The following ART1 variants were observed in gnomAD, a reference collection of about 807,000 sequenced individuals.
The protein encoded by ART1 is ADP-ribosyltransferase 1, also known as GPI-linked NAD(P)(+)--arginine ADP-ribosyltransferase 1.
In ART1, 29 loss-of-function variants were observed where a neutral mutation model predicts 27.0. The ratio of observed to expected loss-of-function variants is 1.08; its 90% CI spans 0.80 to 1.47. The LOEUF is 1.47. Among genes scored for constraint, ART1 ranks in the 40% most tolerant of loss-of-function variants. The pLI, the probability that ART1 is intolerant of heterozygous loss-of-function variation, is 0.00. For missense variants in ART1, 480 were observed against 423.0 expected (o/e 1.13, Z -1.18); for synonymous variants, 201 against 172.2 (o/e 1.17, Z -1.31).
Position 3,659,162 on chromosome 11 carries a change from A to G in ART1, c.-52A>G. 1.3e-6 allele frequency: 2 copies of G among 1,571,028 alleles called. No individual in the cohort carries two copies. The highest frequency in any genetic ancestry group is 1.8e-6 in the Non-Finnish European group (2 of 1,141,870). On this transcript the variant is annotated splice_region_variant and 5_prime_UTR_variant, in exon 2 of 5. It removes an upstream start codon present in the reference 5' UTR. Coordinates refer to ENST00000250693, the MANE Select transcript of ART1 (RefSeq NM_004314.3). ...ACAGATTAACACTGCAATTTTCCAGATGAGGAAACTGAGACCCAAAAAGAG... is the reference window on the plus strand; with the variant it reads ...ACAGATTAACACTGCAATTTTCCAGGTGAGGAAACTGAGACCCAAAAAGAG...
chr11:3,654,740 G>T (rs2077555558), intron 1 of ART1, among the ~76,000 whole-genome samples: 5 of 122,456 alleles, frequency 4.1e-5, no homozygotes, highest in Non-Finnish European at 6.7e-5. Context: ...TCCTACCTCT[G>T]TCTATCCTCA....
chr11:3,650,058 C>T (rs1466292418), intron 1 of ART1, among the ~76,000 whole-genome samples: 1 of 152,194 alleles, frequency 6.6e-6, no homozygotes, highest in Non-Finnish European at 1.5e-5. Context: ...AGAATAGAGG[C>T]AGCCAAGTAG....
chr11:3,664,150 C>G lies in ART1; in HGVS notation c.945C>G (p.Leu315=). 1.2e-6 allele frequency: 2 copies of G among 1,614,036 alleles called. No homozygotes were observed. Among genetic ancestry groups the G allele is most frequent in the Non-Finnish European group, 1.7e-6 (2 of 1,180,022 alleles). Residue 315 remains leucine, a synonymous_variant, in exon 5 of 5, where the codon CTC becomes CTG. Transcript: ENST00000250693. ...VWSLLLLLWF[L]VVRAFPDGPG... Reference sequence around the variant, plus strand: ...CTTTGCTGCTGCTGCTCTGGTTCCTCGTGGTGAGGGCCTTTCCAGATGGTC... The same window carrying G: ...CTTTGCTGCTGCTGCTCTGGTTCCTGGTGGTGAGGGCCTTTCCAGATGGTC...
At chr11:3,662,111 G>A (rs2077626075) in intron 4 of ART1, among the ~76,000 whole-genome samples, 1 of 152,210 alleles carries the variant, frequency 6.6e-6, no homozygotes, top group Admixed American at 6.5e-5. Flanking sequence ...TGCCCTCAGG[G>A]CTCCCTCAAA....
intron 1 of ART1, among the ~76,000 whole-genome samples, chr11:3,656,148 G>A (rs1010271120): frequency 6.6e-6 from 1 of 151,820 alleles, no homozygotes; most frequent in African/African-American, 2.4e-5. Flanking sequence ...TGGCCAGTCT[G>A]GTTTCAAACT....
At position 3,661,508 on chromosome 11, in the gene ART1, T is replaced by TG; in HGVS notation, c.886+95_886+96insG. Reference sequence around the variant, plus strand: ...CCTCGATCTTTTTTTTTTTTTTTTTTTTTGAGACAGAGTTTCACTCTTGTT... The same window carrying TG: ...CCTCGATCTTTTTTTTTTTTTTTTTTGTTTGAGACAGAGTTTCACTCTTGTT... On this transcript the variant is annotated intron_variant, in intron 4 of 4. Transcript: ENST00000250693. 2.7e-6 allele frequency: 3 copies of TG among 1,101,134 alleles called. No homozygotes were observed. In the South Asian group the frequency reaches 4.8e-5, roughly 18 times the overall value. The allele number at this position is 1,101,134 out of a possible 1,614,324, so 68.2% of individuals were successfully genotyped here. A position where few individuals can be genotyped will look rare whatever the true frequency, so the allele number is the denominator to read the frequency against.
Position 3,659,936 on chromosome 11 carries a change from C to T in ART1, c.417C>T (p.Gly139=), listed in dbSNP as rs1216490591. ...KEFNAAVREA[G]RSRAHYLHHF... ...TCAATGCAGCCGTGCGTGAGGCGGG[C>T]CGCTCCCGGGCCCACTACCTCCACC... Residue 139 remains glycine (G), a synonymous_variant, in exon 3 of 5, where the codon GGC becomes GGT. Transcript: ENST00000250693. 1.2e-6 allele frequency: 2 copies of T among 1,613,378 alleles called. No individual in the cohort carries two copies. Among genetic ancestry groups the T allele is most frequent in the Non-Finnish European group, 1.7e-6 (2 of 1,179,732 alleles).
intron 1 of ART1, among the ~76,000 whole-genome samples, chr11:3,649,162 G>C (rs542287301): frequency 1.3e-5 from 2 of 151,654 alleles, no homozygotes; most frequent in East Asian, 1.9e-4. Context: ...CCTTCACTAC[G>C]GGCAACCTTC....
At chr11:3,647,834 GAAAA>G (rs199872848) in intron 1 of ART1, among the ~76,000 whole-genome samples, 1 of 142,366 alleles carries the variant, frequency 7.0e-6, no homozygotes, top group Non-Finnish European at 1.5e-5. Context: ...CAATGAGGCT[GAAAA>G]AAAAAAAAGT....
In ART1 at chr11:3,659,853, G is replaced by A. The variant is rs747245204; in HGVS notation, c.334G>A (p.Asp112Asn). The A allele has an allele frequency of 5.0e-6, 8 of 1,612,528 alleles. No individual in the cohort carries two copies. The highest frequency in any genetic ancestry group is 2.2e-5 in the East Asian group (1 of 44,858). The change falls in exon 3 of 5, where the codon GAT becomes AAT. Residue 112 changes from aspartate to asparagine, a missense_variant. Transcript: ENST00000250693. ...RPSPPPLGFR[D>N]EHGVALLAYT... ...ATCCCCGCCACCCCTGGGCTTCCGCGATGAGCATGGGGTGGCCCTCCTGGC... is the reference window on the plus strand; with the variant it reads ...ATCCCCGCCACCCCTGGGCTTCCGCAATGAGCATGGGGTGGCCCTCCTGGC...
intron 1 of ART1, among the ~76,000 whole-genome samples, chr11:3,655,079 A>T (rs1018275966): frequency 2.6e-5 from 4 of 152,106 alleles, no homozygotes; most frequent in African/African-American, 7.2e-5. Context: ...GCTTATCTAA[A>T]CTGGACTTGG....
At chr11:3,650,626 C>G (rs2077513573) in intron 1 of ART1, among the ~76,000 whole-genome samples, 1 of 152,188 alleles carries the variant, frequency 6.6e-6, no homozygotes, top group Non-Finnish European at 1.5e-5. Context: ...CTCCCCAACT[C>G]TAGTGCCAAC....
chr11:3,649,936 A>G lies in ART1; in HGVS notation c.-53+4757A>G, dbSNP rs922105741. On this transcript the variant is annotated intron_variant, in intron 1 of 4. Coordinates refer to ENST00000250693, the MANE Select transcript of ART1 (RefSeq NM_004314.3). ...AAAGGCCACTTTATTCTCAATATAC[A>G]TTTTATTACCCAATCTGCTCCTGAC... Among the ~76,000 whole-genome samples the G allele has an allele frequency of 2.6e-5, 4 of 152,170 alleles. No individual in the cohort carries two copies. In the East Asian group the frequency reaches 5.8e-4, roughly 22 times the overall value.
At chr11:3,657,283 A>G (rs892294301) in intron 1 of ART1, among the ~76,000 whole-genome samples, 2 of 152,160 alleles carry the variant, frequency 1.3e-5, no homozygotes, top group Non-Finnish European at 2.9e-5. Context: ...GTGTACAGAA[A>G]GAAAACAGAG....
At chr11:3,660,690 G>A (rs2077613880) in intron 3 of ART1, among the ~76,000 whole-genome samples, 1 of 152,202 alleles carries the variant, frequency 6.6e-6, no homozygotes, top group South Asian at 2.1e-4. Context: ...GGCTGGAAGG[G>A]AATTATTTTC....
intron 1 of ART1, among the ~76,000 whole-genome samples, chr11:3,650,422 G>A (rs557559369): frequency 1.3e-5 from 2 of 152,152 alleles, no homozygotes; most frequent in Non-Finnish European, 1.5e-5. Flanking sequence ...GACATTCCCC[G>A]ATTGCCTCGG....
At chr11:3,657,264 T>TG (rs1439985487) in intron 1 of ART1, among the ~76,000 whole-genome samples, 11 of 152,158 alleles carry the variant, frequency 7.2e-5, no homozygotes, top group Non-Finnish European at 1.5e-4. Flanking sequence ...ATTGACTATA[T>TG]TACCATTTGT....
intron 1 of ART1, among the ~76,000 whole-genome samples, chr11:3,648,420 C>G (rs930075778): frequency 6.6e-6 from 1 of 152,166 alleles, no homozygotes; most frequent in Non-Finnish European, 1.5e-5. Context: ...CTCAGACCGA[C>G]CAGCGCAAGA....
intron 1 of ART1, among the ~76,000 whole-genome samples, chr11:3,651,916 T>C (rs1308308623): frequency 6.6e-6 from 1 of 150,620 alleles, no homozygotes; most frequent in East Asian, 1.9e-4. Context: ...GCTTGATTTA[T>C]TGATGGCAGC....
Sources: allele counts gnomAD v4.1 joint callset (sites outside exome capture counted in the v4.1 genomes callset), GRCh38; gene constraint gnomAD v4.1.1; transcripts MANE v1.5; gene names NCBI Gene and HGNC (gene_info 2026-07-23, HGNC 2026-07-21).